EPHX4: variants seen among roughly 807,000 people sequenced by gnomAD.
EPHX4 encodes the protein abhydrolase domain containing 7.
Under a neutral mutation model 44.9 loss-of-function variants are expected in EPHX4, and 31 were observed. The ratio of observed to expected loss-of-function variants is 0.69; its 90% confidence interval spans 0.52 to 0.93. The LOEUF is 0.93. EPHX4 is among the 40% of genes least tolerant of loss of function. EPHX4 has a pLI of 0.00. For synonymous variants in EPHX4, 151 were observed against 159.7 expected (o/e 0.95, Z 0.41); for missense variants, 373 against 438.1 (o/e 0.85, Z 1.33).
At chr1:92,041,113 T>C (rs1688502113) in intron 2 of EPHX4, among the ~76,000 whole-genome samples, 1 of 152,124 alleles carries the variant, frequency 6.6e-6, no homozygotes, top group Non-Finnish European at 1.5e-5. Context: ...TGGATCTCTC[T>C]ATTTCGATTA....
At chr1:92,043,027 C>A in intron 3 of EPHX4, 47 bp downstream of exon 3, 2 of 1,431,076 alleles carry the variant, frequency 1.4e-6, no homozygotes, top group Non-Finnish European at 1.9e-6. Context: ...GACAAACATT[C>A]AACAAATTGT....
chr1:92,040,765 T>C (rs1688498225), intron 2 of EPHX4, among the ~76,000 whole-genome samples: 1 of 152,180 alleles, frequency 6.6e-6, no homozygotes, highest in Non-Finnish European at 1.5e-5. Flanking sequence ...CTGGCCTGTT[T>C]GTTACATTGA....
intron 1 of EPHX4, among the ~76,000 whole-genome samples, chr1:92,031,878 A>G (rs1688366963): frequency 6.6e-6 from 1 of 152,020 alleles, no homozygotes; most frequent in Admixed American, 6.6e-5. Context: ...GCATTCTCTT[A>G]TTAGAAACGC....
intron 2 of EPHX4, among the ~76,000 whole-genome samples, chr1:92,037,673 G>A (rs1386930334): frequency 1.3e-5 from 2 of 152,178 alleles, no homozygotes; most frequent in Non-Finnish European, 2.9e-5. Flanking sequence ...TTTCTCTGTG[G>A]TAAAGAGGAG....
intron 4 of EPHX4, among the ~76,000 whole-genome samples, chr1:92,046,667 C>T (rs1262274358): frequency 6.6e-6 from 1 of 152,062 alleles, no homozygotes; most frequent in Non-Finnish European, 1.5e-5. Context: ...TTTCGCCGTG[C>T]TGGTCAGGCT....
Position 92,052,665 on chromosome 1 carries a change from A to T in EPHX4, c.857+7A>T. 6.3e-7 allele frequency: 1 copy of T among 1,580,200 alleles called. No individual in the cohort carries two copies. Among genetic ancestry groups the T allele is most frequent in the Non-Finnish European group, 8.5e-7 (1 of 1,169,714 alleles). ...ATTACCGAAATATCTTCAGGTAAGT[A>T]TAATTTCTTTTTAGTTAAATAAAAA... On this transcript the variant is annotated splice_region_variant and intron_variant, in intron 6 of 6. Coordinates refer to ENST00000370383, the MANE Select transcript of EPHX4 (RefSeq NM_173567.5).
At chr1:92,040,089 G>A (rs1299727948) in intron 2 of EPHX4, among the ~76,000 whole-genome samples, 1 of 151,668 alleles carries the variant, frequency 6.6e-6, no homozygotes, top group East Asian at 1.9e-4. Flanking sequence ...CCTAGTGATA[G>A]ATCAAAAAAT....
intron 2 of EPHX4, among the ~76,000 whole-genome samples, chr1:92,035,278 C>A (rs562831820): frequency 6.6e-6 from 1 of 152,114 alleles, no homozygotes; most frequent in African/African-American, 2.4e-5. Flanking sequence ...TTATGGAGTG[C>A]GTGGCATAAT....
rs760279279 is a variant in EPHX4, at chr1:92,063,227, G to C, written c.1030G>C (p.Asp344His). The change falls in exon 7 of 7, where the codon GAC becomes CAC. Residue 344 changes from aspartate (D) to histidine (H), a missense_variant. By Grantham distance (81) the Asp-to-His change is moderately conservative. Coordinates refer to ENST00000370383, the MANE Select transcript of EPHX4 (RefSeq NM_173567.5). ...TCATTGGCTTCAGCAAGACCAACCTGACATAGTGAACAAATTGATATGGAC... is the reference window on the plus strand; with the variant it reads ...TCATTGGCTTCAGCAAGACCAACCTCACATAGTGAACAAATTGATATGGAC... The part of the protein sequence containing the change: ...ASHWLQQDQP[D>H]IVNKLIWTFL... The C allele has an allele frequency of 6.2e-7, 1 of 1,613,564 alleles. No individual in the cohort carries two copies. Among genetic ancestry groups the C allele is most frequent in the Admixed American group, 1.7e-5 (1 of 59,996 alleles).
Position 92,030,234 on chromosome 1 carries a change from G to A in EPHX4, c.155G>A (p.Arg52Gln), listed in dbSNP as rs1380714865. The stretch of plus-strand genomic sequence containing the variant: ...GGCAAGGGGCCGGCGCAGACCTTCC[G>A]GCGGCCCGCCCGGGAGCACCCTCCC... ...SLGKGPAQTF[R>Q]RPAREHPPAC... is the part of the protein sequence containing the mutation. The change falls in exon 1 of 7, where the codon CGG becomes CAG. Residue 52 changes from arginine to glutamine, a missense_variant. Coordinates refer to ENST00000370383, the MANE Select transcript of EPHX4 (RefSeq NM_173567.5). The A allele has an allele frequency of 1.9e-6, 3 of 1,603,938 alleles. No individual in the cohort carries two copies. Among genetic ancestry groups the A allele is most frequent in the Admixed American group, 1.7e-5 (1 of 59,138 alleles).
At chr1:92,062,991 C>G in intron 6 of EPHX4, 64 bp from the exon 7 acceptor site, 1 of 1,410,326 alleles carries the variant, frequency 7.1e-7, no homozygotes, top group Admixed American at 1.8e-5. Flanking sequence ...TACTGGGGCA[C>G]TATAGGAAAA....
At chr1:92,043,767 G>T (rs1688545756) in intron 3 of EPHX4, 1 of 152,266 alleles carries the variant, frequency 6.6e-6, no homozygotes, top group Non-Finnish European at 1.5e-5. Context: ...GTCCAGCTGG[G>T]ACTGGCTTCT....
intron 1 of EPHX4, among the ~76,000 whole-genome samples, chr1:92,030,516 T>C (rs1205081832): frequency 1.8e-5 from 2 of 109,382 alleles, no homozygotes; most frequent in Non-Finnish European, 4.1e-5. Context: ...GAGATACAGA[T>C]AAACAGCACT....
At chr1:92,030,485 T>TGTGTGTGTGTGTGTGTGAGAGA (rs1326928763) in intron 1 of EPHX4, among the ~76,000 whole-genome samples, 175 bp downstream of exon 1, 3 of 138,652 alleles carry the variant, frequency 2.2e-5, no homozygotes, top group African/African-American at 8.3e-5. Context: ...TGTGTGTGTG[T>TGTGTGTGTGTGTGTGTGAGAGA]GAGAGAGAGA....
chr1:92,034,427 C>A (rs755343790), intron 2 of EPHX4, among the ~76,000 whole-genome samples: 5 of 151,892 alleles, frequency 3.3e-5, no homozygotes, highest in Non-Finnish European at 5.9e-5. Context: ...TTTTAAAAGC[C>A]CAGTTCCCTT....
chr1:92,060,032 T>C (rs968434571), intron 6 of EPHX4, among the ~76,000 whole-genome samples: 1 of 151,974 alleles, frequency 6.6e-6, no homozygotes, highest in African/African-American at 2.4e-5. Context: ...TTTTAATAAT[T>C]TCACAATTGA....
At chr1:92,060,807 T>C (rs1469097228) in intron 6 of EPHX4, among the ~76,000 whole-genome samples, 1 of 152,134 alleles carries the variant, frequency 6.6e-6, no homozygotes, top group Non-Finnish European at 1.5e-5. Context: ...TGCTAAACCA[T>C]GCAGATAACT....
intron 6 of EPHX4, among the ~76,000 whole-genome samples, chr1:92,055,873 T>C (rs1443886277): frequency 6.6e-6 from 1 of 152,206 alleles, no homozygotes; most frequent in African/African-American, 2.4e-5. Flanking sequence ...ACGTTGTAAG[T>C]ATCTATAAGG....
At chr1:92,038,074 T>C (rs759151245) in intron 2 of EPHX4, among the ~76,000 whole-genome samples, 4 of 152,240 alleles carry the variant, frequency 2.6e-5, no homozygotes, top group Non-Finnish European at 4.4e-5. Flanking sequence ...GCAGTTGCCC[T>C]ATTTCTTAGA....
Sources: allele counts gnomAD v4.1 joint callset (sites outside exome capture counted in the v4.1 genomes callset), GRCh38; gene constraint gnomAD v4.1.1; transcripts MANE v1.5; gene names NCBI Gene and HGNC (gene_info 2026-07-23, HGNC 2026-07-21).